ZNF454: variants seen among roughly 807,000 people sequenced by gnomAD.
The protein encoded by ZNF454 is zinc finger protein 454.
ZNF454 carries 30 observed loss-of-function variants against 48.2 expected under a neutral mutation model. The observed-to-expected ratio is 0.62, with a 90% CI of 0.47 to 0.84. ZNF454 has a LOEUF of 0.84. ZNF454 is among the 40% of genes least tolerant of loss of function. The pLI, the probability that ZNF454 is intolerant of heterozygous loss-of-function variation, is 0.00. For missense variants in ZNF454, 510 were observed against 623.1 expected, an observed-to-expected ratio of 0.82 and a Z score of 1.93; for synonymous variants, 204 against 211.4, an observed-to-expected ratio of 0.97 and a Z score of 0.30.
At chr5:178,977,105 T>C in the ZNF454 span, among the ~76,000 whole-genome samples, 8 of 152,268 alleles carry the variant, frequency 5.3e-5, no homozygotes, top group Non-Finnish European at 1.2e-4. Flanking sequence ...GTGATTTTTA[T>C]AATACTATGT....
chr5:178,975,909 T>C, the ZNF454 span, among the ~76,000 whole-genome samples: 94 of 152,210 alleles, frequency 6.2e-4, 1 homozygote, highest in Non-Finnish European at 1.5e-4. Flanking sequence ...AAACTCTCTC[T>C]CTATATCTTT....
chr5:178,966,946 A>G (rs1416310105), downstream of ZNF454, among the ~76,000 whole-genome samples: 1 of 152,158 alleles, frequency 6.6e-6, no homozygotes, highest in African/African-American at 2.4e-5. Context: ...GGTGCCACCT[A>G]TCACTGCCCC....
chr5:178,942,592 C>A, intron 1 of ZNF454, 93 bp from the exon 2 acceptor site: 1 of 541,778 alleles, frequency 1.8e-6, no homozygotes, highest in South Asian at 2.7e-5. Flanking sequence ...ACACTCACTG[C>A]TTGGGGTACT....
At chr5:178,980,668 C>G in the ZNF454 span, 3 of 152,432 alleles carry the variant, frequency 2.0e-5, no homozygotes, top group Non-Finnish European at 2.9e-5. The surrounding 1 kb of genome is among the most constrained non-coding windows in gnomAD (Gnocchi z 4.3). Context: ...GAGTCTCGCT[C>G]TGTCACCCAG....
the ZNF454 span, chr5:178,988,863 TC>T: frequency 4.7e-6 from 6 of 1,280,448 alleles, no homozygotes; most frequent in Non-Finnish European, 6.7e-6. The surrounding 1 kb of genome is among the most constrained non-coding windows in gnomAD (Gnocchi z 6.0). Flanking sequence ...CCTGAGGTTG[TC>T]CCAGGCCTCA....
chr5:178,953,329 G>T (rs1759628799), intron 4 of ZNF454, among the ~76,000 whole-genome samples: 1 of 151,982 alleles, frequency 6.6e-6, no homozygotes, highest in African/African-American at 2.4e-5. Flanking sequence ...GACCACTTTT[G>T]CTTTCCTAAG....
chr5:178,950,558 C>A (rs1248301976), intron 4 of ZNF454, among the ~76,000 whole-genome samples: 1 of 152,202 alleles, frequency 6.6e-6, no homozygotes, highest in Non-Finnish European at 1.5e-5. Flanking sequence ...TGTCCACTCA[C>A]CAAACGTAAA....
intron 4 of ZNF454, among the ~76,000 whole-genome samples, chr5:178,960,445 C>T (rs945190950): frequency 8.6e-5 from 13 of 151,068 alleles, no homozygotes; most frequent in Admixed American, 2.0e-4. Flanking sequence ...TTAGTAGAGA[C>T]GGGGTTTCTC....
intron 1 of ZNF454, 147 bp from the exon 2 acceptor site, chr5:178,942,538 C>A (rs1759147979): frequency 2.1e-6 from 1 of 487,022 alleles, no homozygotes; most frequent in Non-Finnish European, 3.7e-6. Context: ...ATGTATAGTA[C>A]CCTCAGAAGG....
intron 4 of ZNF454, among the ~76,000 whole-genome samples, chr5:178,961,527 C>T (rs533575873): frequency 7.3e-4 from 111 of 151,518 alleles, no homozygotes; most frequent in African/African-American, 2.6e-3. Context: ...AAATTAACAG[C>T]ATTTTTGGCC....
At chr5:178,985,665 T>A in the ZNF454 span, 488 of 391,974 alleles carry the variant, frequency 1.2e-3, 2 homozygotes, top group African/African-American at 9.8e-3. Context: ...ATAGTGCCAC[T>A]GCACTCCAGC....
intron 2 of ZNF454, 151 bp downstream of exon 2, chr5:178,942,975 C>A: frequency 1.3e-6 from 1 of 769,136 alleles, no homozygotes. Flanking sequence ...TCCAACCCCG[C>A]CCCATATCCG....
chr5:178,982,252 A>G, the ZNF454 span, among the ~76,000 whole-genome samples: 2 of 152,226 alleles, frequency 1.3e-5, no homozygotes, highest in Admixed American at 1.3e-4. Flanking sequence ...TGATGCAGCA[A>G]TGGGCTGACG....
chr5:178,989,246 C>G, the ZNF454 span: 1 of 1,545,920 alleles, frequency 6.5e-7, no homozygotes, highest in Non-Finnish European at 8.9e-7. Flanking sequence ...CCACCCTCAC[C>G]ACCCTGGGCA....
rs997894818 is a variant in ZNF454, at chr5:178,965,698, A to T, written c.1294A>T (p.Arg432Ter). 1.2e-6 allele frequency: 2 copies of T among 1,614,130 alleles called. No homozygotes were observed. Among genetic ancestry groups the T allele is most frequent in the African/African-American group, 2.7e-5 (2 of 74,944 alleles). ...RDQSALAQHQ[R>*]IHTGEKPYTC... ...CCAATCAGCACTAGCCCAACATCAG[A>T]GAATTCATACTGGGGAAAAACCTTA... The change falls in exon 5 of 5, where the codon AGA (arginine) becomes TGA (stop). Residue 432 changes from arginine to a stop codon, truncating the protein, a stop_gained. Transcript: ENST00000519564. LOFTEE classifies it high-confidence loss of function. This position sits in a 1 kb window ranked among gnomAD's most constrained non-coding sequence, Gnocchi z 5.2.
intron 4 of ZNF454, among the ~76,000 whole-genome samples, chr5:178,954,807 G>GC (rs1283318873): frequency 6.6e-6 from 1 of 152,206 alleles, no homozygotes; most frequent in Non-Finnish European, 1.5e-5. Flanking sequence ...GAATGGAGTT[G>GC]CCCAGTGCGT....
intron 4 of ZNF454, among the ~76,000 whole-genome samples, chr5:178,947,449 G>A (rs1759384191): frequency 6.6e-6 from 1 of 152,194 alleles, no homozygotes; most frequent in Admixed American, 6.5e-5. Context: ...CTCCATATGT[G>A]TTTGTCCACG....
intron 4 of ZNF454, among the ~76,000 whole-genome samples, chr5:178,958,498 G>A (rs1330728222): frequency 6.6e-6 from 1 of 152,158 alleles, no homozygotes; most frequent in Non-Finnish European, 1.5e-5. Flanking sequence ...ACTGTTGCTA[G>A]ACATTTGGTT....
At chr5:178,948,851 A>T (rs1316433573) in intron 4 of ZNF454, among the ~76,000 whole-genome samples, 2 of 148,806 alleles carry the variant, frequency 1.3e-5, no homozygotes, top group East Asian at 3.9e-4. Flanking sequence ...TTTATATTTA[A>T]AAATAAATAA....
Sources: allele counts gnomAD v4.1 joint callset (sites outside exome capture counted in the v4.1 genomes callset), GRCh38; gene constraint gnomAD v4.1.1; non-coding constraint Gnocchi (gnomAD v3.1); transcripts MANE v1.5; gene names NCBI Gene and HGNC (gene_info 2026-07-23, HGNC 2026-07-21).